Variants in NMRK2 observed in about 807,000 individuals in gnomAD.
NMRK2 encodes NRK 2.
NMRK2 carries 34 observed loss-of-function variants against 24.7 expected under a neutral mutation model. That is an observed-to-expected ratio of 1.37 (90% CI 1.05 to 1.83). The LOEUF is 1.83. Among genes scored for constraint, NMRK2 ranks in the 40% most tolerant of loss-of-function variants. The pLI is 0.00. For synonymous variants in NMRK2, 145 were observed against 125.6 expected (o/e 1.15, Z -1.03); for missense variants, 341 against 315.0 (o/e 1.08, Z -0.62).
Position 3,936,588 on chromosome 19 carries a change from G to A in NMRK2, c.40G>A (p.Gly14Ser), listed in dbSNP as rs548659945. 26 of 1,560,672 alleles carry A rather than the reference G, an allele frequency of 1.7e-5. No homozygotes were observed. Among genetic ancestry groups the A allele is most frequent in the South Asian group, 8.2e-5 (7 of 84,882 alleles). ...CTGTCTCCCCAGCATGACCAACGGC[G>A]GCAAGACCACGCTGACCAACAGCCT... Reference protein sequence around the residue: ...IVGIGGMTNGGKTTLTNSLLR... With the variant: ...IVGIGGMTNGSKTTLTNSLLR... Residue 14 changes from glycine to serine, a missense_variant, in exon 3 of 8, where the codon GGC becomes AGC. Gly to Ser is a moderately conservative substitution (Grantham distance 56). Transcript: ENST00000168977.
rs945643911 is a variant in NMRK2 at position 3,936,449 on chromosome 19, T to G, written c.27-126T>G. 5.2e-6 allele frequency: 3 copies of G among 575,350 alleles called. No homozygotes were observed. The Admixed American group carries it at 1.1e-4, about 20-fold the overall frequency. 35.6% of individuals were successfully genotyped at this position (575,350 alleles called of 1,614,324 possible). A position where few individuals can be genotyped will look rare whatever the true frequency, so the allele number is the denominator to read the frequency against. On this transcript the variant is annotated intron_variant, in intron 2 of 7. Transcript: ENST00000168977. ...AATCAGAAAAATCCTGGGAGCTGAT[T>G]TGCAGGAAGACCCTGAGACATGGAC...
At chr19:3,940,938 G>A (rs912175855) in intron 6 of NMRK2, 133 bp from the exon 7 acceptor site, 1 of 599,362 alleles carries the variant, frequency 1.7e-6, no homozygotes, top group Non-Finnish European at 3.0e-6. Context: ...TCTAGCCCAG[G>A]GCTTCTGACC....
At position 3,938,693 on chromosome 19, in the gene NMRK2, G is replaced by T; in HGVS notation, c.257G>T (p.Ser86Ile). 6.2e-7 allele frequency: 1 copy of T among 1,612,818 alleles called. No homozygotes were observed. The highest frequency in any genetic ancestry group is 8.5e-7 in the Non-Finnish European group (1 of 1,179,468). ...AAGTTTGCCCGTGCCCACGGGGTCAGCGTCCAGCCAGAGGCCTCGGACACC... is the reference window on the plus strand; with the variant it reads ...AAGTTTGCCCGTGCCCACGGGGTCATCGTCCAGCCAGAGGCCTCGGACACC... ...PQKFARAHGVSVQPEASDTHI... is the reference protein window; with the variant it reads ...PQKFARAHGVIVQPEASDTHI... The change falls in exon 5 of 8, where the codon AGC becomes ATC. Residue 86 changes from serine to isoleucine, a missense_variant. Ser to Ile is a moderately radical substitution (Grantham distance 142). Coordinates refer to ENST00000168977, the MANE Select transcript of NMRK2 (RefSeq NM_170678.3).
At chr19:3,935,336 A>C (rs776331325) in intron 2 of NMRK2, among the ~76,000 whole-genome samples, 1 of 149,054 alleles carries the variant, frequency 6.7e-6, no homozygotes, top group Non-Finnish European at 1.5e-5. Flanking sequence ...GCTCACTGCA[A>C]CCTCTGACTC....
chr19:3,933,600 C>A lies in NMRK2; in HGVS notation c.-72C>A. On this transcript the variant is annotated 5_prime_UTR_variant, in exon 2 of 8. Transcript: ENST00000168977. ...TTCTCAATGAAGCCGGGACGCACTC[C>A]GGAGCGCACTGCGTGGTCGCACCCT... 1.3e-6 allele frequency: 2 copies of A among 1,498,782 alleles called. No individual in the cohort carries two copies. Among genetic ancestry groups the A allele is most frequent in the Non-Finnish European group, 1.8e-6 (2 of 1,121,438 alleles). 92.8% of individuals were successfully genotyped at this position (1,498,782 alleles called of 1,614,324 possible). A position where few individuals can be genotyped will look rare whatever the true frequency, so the allele number is the denominator to read the frequency against.
chr19:3,939,823 G>A (rs1298281784), intron 5 of NMRK2, 77 bp from the exon 6 acceptor site: 2 of 1,357,938 alleles, frequency 1.5e-6, no homozygotes, highest in Non-Finnish European at 2.1e-6. Context: ...GAAAGCCAAG[G>A]CTGGGGGGTT....
At position 3,933,513 on chromosome 19, in the gene NMRK2, C is replaced by A. The variant is rs2039151701; in HGVS notation, c.-159C>A. The A allele has an allele frequency of 1.4e-6, 1 of 735,430 alleles. No individual in the cohort carries two copies. The highest frequency in any genetic ancestry group is 2.1e-6 in the Non-Finnish European group (1 of 482,634). 45.6% of individuals were successfully genotyped at this position (735,430 alleles called of 1,614,324 possible). ...CAGGTGCCGGCGCCTCCGCCCCATC[C>A]CCAGGGGCCGCCTCCCCCGGGGCGG... On this transcript the variant is annotated 5_prime_UTR_variant, in exon 2 of 8. Coordinates refer to ENST00000168977, the MANE Select transcript of NMRK2 (RefSeq NM_170678.3).
At chr19:3,933,967 A>T (rs117360257) in intron 2 of NMRK2, among the ~76,000 whole-genome samples, 3,949 of 151,000 alleles carry the variant, frequency 0.026, 77 homozygotes, top group Non-Finnish European at 0.04. Context: ...AAAAAAATAG[A>T]CCAGACACGG....
chr19:3,934,568 G>GC (rs770404473), intron 2 of NMRK2, among the ~76,000 whole-genome samples: 1 of 150,896 alleles, frequency 6.6e-6, no homozygotes. Flanking sequence ...TTTTTTTTGG[G>GC]GGGGGGGTGT....
At position 3,939,008 on chromosome 19, in the gene NMRK2, C is replaced by T. The variant is rs148832361; in HGVS notation, c.323+249C>T. Reference sequence around the variant, plus strand: ...GATTACAGGCCTGCGCCATCACACCCGGCTAATTTTTGTATTTTTAGTAGA... The same window carrying T: ...GATTACAGGCCTGCGCCATCACACCTGGCTAATTTTTGTATTTTTAGTAGA... On this transcript the variant is annotated intron_variant, in intron 5 of 7. Transcript: ENST00000168977. Among the ~76,000 whole-genome samples the T allele has an allele frequency of 8.8e-3, 1,329 of 151,556 alleles. 31 individuals carry two copies. Among genetic ancestry groups the T allele is most frequent in the African/African-American group, 0.031 (1,268 of 41,370 alleles).
chr19:3,938,007 G>A (rs1311466583), intron 4 of NMRK2, among the ~76,000 whole-genome samples: 8 of 104,742 alleles, frequency 7.6e-5, no homozygotes, highest in South Asian at 3.0e-4. Context: ...CCCCTCCACT[G>A]TCCCCCCGGG....
chr19:3,936,944 T>A (rs376129561), intron 3 of NMRK2, among the ~76,000 whole-genome samples: 1 of 152,144 alleles, frequency 6.6e-6, no homozygotes, highest in East Asian at 1.9e-4. Flanking sequence ...AAAGCCACCA[T>A]TCCTCCACAG....
intron 6 of NMRK2, among the ~76,000 whole-genome samples, chr19:3,940,223 T>G (rs755718320): frequency 4.1e-5 from 6 of 145,116 alleles, no homozygotes; most frequent in Non-Finnish European, 9.0e-5. Flanking sequence ...GGCGTGCACC[T>G]GTAATTCCAG....
At chr19:3,934,607 G>A (rs1166176887) in intron 2 of NMRK2, among the ~76,000 whole-genome samples, 1 of 151,094 alleles carries the variant, frequency 6.6e-6, no homozygotes, top group African/African-American at 2.4e-5. Context: ...TTGAGACAGA[G>A]TCTTGCTCTG....
Position 3,942,188 on chromosome 19 carries a change from C to A in NMRK2, c.608C>A (p.Ala203Asp). The A allele has an allele frequency of 1.9e-6, 3 of 1,613,200 alleles. No homozygotes were observed. Among genetic ancestry groups the A allele is most frequent in the Non-Finnish European group, 2.5e-6 (3 of 1,179,992 alleles). The change falls in exon 8 of 8, where the codon GCT becomes GAT. Residue 203 changes from alanine to aspartate, a missense_variant. Ala to Asp is a moderately radical substitution (Grantham distance 126). Coordinates refer to ENST00000168977, the MANE Select transcript of NMRK2 (RefSeq NM_170678.3). ...NRSQESAPSP[A>D]RPARTQGPGR... is the part of the protein sequence containing the mutation. ...TCCCAGGAATCAGCCCCCTCCCCGGCTCGCCCAGCCAGGACACAGGGACCC... is the reference window on the plus strand; with the variant it reads ...TCCCAGGAATCAGCCCCCTCCCCGGATCGCCCAGCCAGGACACAGGGACCC...
chr19:3,933,975 C>G (rs1012146004), intron 2 of NMRK2, among the ~76,000 whole-genome samples: 1 of 151,972 alleles, frequency 6.6e-6, no homozygotes, highest in African/African-American at 2.4e-5. Flanking sequence ...AGACCAGACA[C>G]GGTGGCTCAG....
rs370939791 is a variant in NMRK2 at position 3,936,671 on chromosome 19, C to T, written c.117+6C>T. The T allele has an allele frequency of 3.7e-5, 57 of 1,552,852 alleles. No individual in the cohort carries two copies. The highest frequency in any genetic ancestry group is 4.4e-5 in the Non-Finnish European group (50 of 1,148,722). On this transcript the variant is annotated splice_donor_region_variant and intron_variant, in intron 3 of 7. Coordinates refer to ENST00000168977, the MANE Select transcript of NMRK2 (RefSeq NM_170678.3). ...ATCAGGATGACTTCTTCAAGGTGCCCGCCCTTGCCCGGGGAGGTGGAGCTG... is the reference window on the plus strand; with the variant it reads ...ATCAGGATGACTTCTTCAAGGTGCCTGCCCTTGCCCGGGGAGGTGGAGCTG...
intron 7 of NMRK2, 70 bp from the exon 8 acceptor site, chr19:3,942,013 C>T (rs941549857): frequency 9.1e-5 from 117 of 1,291,258 alleles, no homozygotes; most frequent in East Asian, 6.0e-4. Context: ...CTGACCCAGC[C>T]GTCCACTCGT....
chr19:3,938,832 T>C (rs775678536), intron 5 of NMRK2, 73 bp downstream of exon 5: 1 of 600,254 alleles, frequency 1.7e-6, no homozygotes, highest in Non-Finnish European at 2.1e-6. Context: ...GTTTTTTTTT[T>C]TTTTTTTTTT....
Sources: allele counts gnomAD v4.1 joint callset (sites outside exome capture counted in the v4.1 genomes callset), GRCh38; gene constraint gnomAD v4.1.1; transcripts MANE v1.5; gene names NCBI Gene and HGNC (gene_info 2026-07-23, HGNC 2026-07-21).